CRYZL1: variants seen among roughly 807,000 people sequenced by gnomAD.
The protein encoded by CRYZL1 is ferry endosomal RAB5 effector complex subunit 4.
In CRYZL1, 34 loss-of-function variants were observed where a neutral mutation model predicts 50.6. The observed-to-expected ratio is 0.67, with a 90% confidence interval of 0.51 to 0.89. CRYZL1 has a LOEUF of 0.89. Among genes scored for constraint, CRYZL1 ranks in the 40% least tolerant of loss-of-function variants. The probability of loss-of-function intolerance (pLI) is 0.00; values close to 1 mark genes in which losing one functional copy is unlikely to be tolerated. For missense variants in CRYZL1, 354 were observed against 402.3 expected (o/e 0.88, Z 1.03); for synonymous variants, 125 against 134.3 (o/e 0.93, Z 0.48).
At chr21:33,607,619 A>C (rs548916066) in intron 6 of CRYZL1, among the ~76,000 whole-genome samples, 14 of 152,260 alleles carry the variant, frequency 9.2e-5, no homozygotes, top group African/African-American at 3.4e-4. Context: ...GCTACAGAGT[A>C]AGACCCTGTC....
chr21:33,627,830 C>T (rs1470462271), intron 2 of CRYZL1, among the ~76,000 whole-genome samples: 11 of 150,766 alleles, frequency 7.3e-5, no homozygotes, highest in South Asian at 4.2e-4. Context: ...CTACAAACTC[C>T]GCCTCCCGGG....
intron 2 of CRYZL1, 21 bp from the exon 3 acceptor site, chr21:33,624,781 A>C (rs972712108): frequency 1.9e-6 from 3 of 1,581,226 alleles, no homozygotes; most frequent in Non-Finnish European, 2.6e-6. Flanking sequence ...ATGATAACAA[A>C]ACAATATGTT....
intron 9 of CRYZL1, among the ~76,000 whole-genome samples, chr21:33,598,668 G>A (rs560460783): frequency 1.3e-5 from 2 of 152,206 alleles, no homozygotes; most frequent in South Asian, 2.1e-4. Context: ...CATGTTTCTA[G>A]ATTTCTTGTA....
rs559571829 is a variant in CRYZL1 at position 33,603,389 on chromosome 21, A to T, written c.465+15T>A. The T allele has an allele frequency of 2.5e-6, 4 of 1,612,464 alleles. No homozygotes were observed. The highest frequency in any genetic ancestry group is 3.4e-6 in the Non-Finnish European group (4 of 1,179,248). On this transcript the variant is annotated intron_variant, in intron 7 of 12. Transcript: ENST00000381554. ...GTATGCTTGTCTGTTTCTTAACAAAACCATTAGCACCTACACTTGCTCCAT... is the reference window on the plus strand; with the variant it reads ...GTATGCTTGTCTGTTTCTTAACAAATCCATTAGCACCTACACTTGCTCCAT...
At position 33,591,192 on chromosome 21, in the gene CRYZL1, A is replaced by G; in HGVS notation, c.920T>C (p.Val307Ala). 1 of 1,610,188 alleles carries G rather than the reference A, an allele frequency of 6.2e-7. No homozygotes were observed. Among genetic ancestry groups the G allele is most frequent in the Non-Finnish European group, 8.5e-7 (1 of 1,176,444 alleles). Residue 307 changes from valine (V) to alanine (A), a missense_variant, in exon 12 of 13, where the codon GTG becomes GCG. Physicochemically the swap from Val to Ala is moderately conservative, Grantham distance 64. Transcript: ENST00000381554. ...QGKYLCILKDVMEKLSTGVFR... is the reference protein window; with the variant it reads ...QGKYLCILKDAMEKLSTGVFR... ...AACACCAGTTGATAACTTCTCCATC[A>G]CATCCTTTAAGATACGTAGCTGGAA...
chr21:33,603,368 G>A (rs530660636), intron 7 of CRYZL1, 36 bp downstream of exon 7: 1 of 1,607,750 alleles, frequency 6.2e-7, no homozygotes, highest in Admixed American at 1.7e-5. Flanking sequence ...TTTACTGTAT[G>A]CTTGTCTGTT....
At chr21:33,614,977 G>A (rs866989881) in intron 5 of CRYZL1, among the ~76,000 whole-genome samples, 23 of 152,158 alleles carry the variant, frequency 1.5e-4, no homozygotes, top group Middle Eastern at 3.4e-3. Flanking sequence ...CTGATTTCCT[G>A]AGCAGAATAA....
intron 6 of CRYZL1, among the ~76,000 whole-genome samples, chr21:33,611,303 A>G (rs2086871061): frequency 6.6e-6 from 1 of 152,200 alleles, no homozygotes; most frequent in South Asian, 2.1e-4. Flanking sequence ...GAAGACACAC[A>G]CTTGGCTCCT....
intron 1 of CRYZL1, among the ~76,000 whole-genome samples, chr21:33,637,788 T>TATATATATACAC (rs1491462371): frequency 3.4e-5 from 4 of 117,208 alleles, no homozygotes; most frequent in African/African-American, 1.2e-4. Context: ...TATATATATA[T>TATATATATACAC]ACACACACAC....
chr21:33,600,791 AT>A (rs549339953), intron 8 of CRYZL1, among the ~76,000 whole-genome samples: 31 of 146,376 alleles, frequency 2.1e-4, no homozygotes, highest in African/African-American at 5.3e-4. Context: ...ATGCCAGCTA[AT>A]TTTTTTTTTG....
In CRYZL1 at chr21:33,621,499, GC is replaced by G. The variant is rs746675362; in HGVS notation, c.217+496del. 2.3e-3 allele frequency among the ~76,000 whole-genome samples: 351 copies of G among 151,368 alleles called. 1 individual carries two copies. The highest frequency in any genetic ancestry group is 3.8e-3 in the Non-Finnish European group (259 of 67,872). ...TGAGACTACAGGCGCATGCCACCAC[GC>G]CCAGCTAATTTTTTGTATTTTTAGT... On this transcript the variant is annotated intron_variant, in intron 4 of 12. Transcript: ENST00000381554.
intron 6 of CRYZL1, among the ~76,000 whole-genome samples, chr21:33,609,188 C>G (rs547290713): frequency 1.2e-3 from 189 of 152,162 alleles, no homozygotes; most frequent in African/African-American, 4.4e-3. Context: ...TTTCTTCTTG[C>G]TGTTTTCTGA....
intron 5 of CRYZL1, among the ~76,000 whole-genome samples, chr21:33,614,706 G>C (rs2086909808): frequency 6.6e-6 from 1 of 152,058 alleles, no homozygotes; most frequent in African/African-American, 2.4e-5. Context: ...CGAGTAGCTG[G>C]GATTACAGGC....
At chr21:33,615,559 G>A (rs571464571) in intron 5 of CRYZL1, among the ~76,000 whole-genome samples, 22 of 152,212 alleles carry the variant, frequency 1.4e-4, no homozygotes, top group African/African-American at 5.1e-4. Flanking sequence ...CATAGCCTAT[G>A]TTTGTGTGAC....
intron 3 of CRYZL1, among the ~76,000 whole-genome samples, chr21:33,623,221 C>T (rs974094004): frequency 5.3e-5 from 8 of 152,088 alleles, no homozygotes; most frequent in African/African-American, 1.9e-4. Flanking sequence ...GCCTCGGCCT[C>T]CCAAAGTGCT....
chr21:33,640,634 T>A (rs1312439346), intron 1 of CRYZL1, among the ~76,000 whole-genome samples: 1 of 152,192 alleles, frequency 6.6e-6, no homozygotes, highest in Non-Finnish European at 1.5e-5. Context: ...TTACAGAGAA[T>A]CTCTAAAGTA....
At chr21:33,619,419 A>G (rs2086969808) in intron 4 of CRYZL1, among the ~76,000 whole-genome samples, 1 of 152,150 alleles carries the variant, frequency 6.6e-6, no homozygotes, top group African/African-American at 2.4e-5. Context: ...ATACAATCTG[A>G]TATCTAAGGC....
chr21:33,595,429 C>A, intron 11 of CRYZL1: 1 of 1,355,182 alleles, frequency 7.4e-7, no homozygotes, highest in Non-Finnish European at 9.8e-7. Flanking sequence ...GGGCTCATCT[C>A]TGTTCAGAAA....
intron 1 of CRYZL1, among the ~76,000 whole-genome samples, chr21:33,632,140 T>C (rs2087144869): frequency 7.3e-6 from 1 of 137,760 alleles, no homozygotes; most frequent in Non-Finnish European, 1.5e-5. Flanking sequence ...CTGACCGACA[T>C]GGAGAAACCC....
Sources: allele counts gnomAD v4.1 joint callset (sites outside exome capture counted in the v4.1 genomes callset), GRCh38; gene constraint gnomAD v4.1.1; transcripts MANE v1.5; gene names NCBI Gene and HGNC (gene_info 2026-07-23, HGNC 2026-07-21).